The following FAM222B variants were observed in gnomAD, a reference collection of about 807,000 sequenced individuals.
FAM222B encodes family with sequence similarity 222 member B.
Under a neutral mutation model 38.0 loss-of-function variants are expected in FAM222B, and 12 were observed. The ratio of observed to expected loss-of-function variants is 0.32; its 90% CI spans 0.20 to 0.51. The LOEUF is 0.51. Ranked by LOEUF, FAM222B falls within the 20% of genes least tolerant of loss-of-function variation. The pLI, the probability that FAM222B is intolerant of heterozygous loss-of-function variation, is 0.97. For missense variants in FAM222B, 716 were observed against 754.2 expected (o/e 0.95, Z 0.59); for synonymous variants, 329 against 317.2 (o/e 1.04, Z -0.40).
rs1322629673 is a variant in FAM222B at position 28,759,292 on chromosome 17, G to A, written c.667C>T (p.His223Tyr). ...CGGCCTCCATGCAGCAAGGGATTGTGGGGGTGCTGGAGACCCTGGTGAGCC... is the reference window on the plus strand; with the variant it reads ...CGGCCTCCATGCAGCAAGGGATTGTAGGGGTGCTGGAGACCCTGGTGAGCC... Reference protein sequence around the residue: ...ALAHQGLQHPHNPLLHGGRKM... With the variant: ...ALAHQGLQHPYNPLLHGGRKM... The change falls in exon 3 of 3, where the codon CAC becomes TAC. Residue 223 changes from histidine (H) to tyrosine (Y), a missense_variant. His to Tyr is a moderately conservative substitution (Grantham distance 83, BLOSUM62 2). Transcript: ENST00000581407. The surrounding 1 kb of genome is among the most constrained non-coding windows in gnomAD (Gnocchi z 4.8). 3.1e-6 allele frequency: 5 copies of A among 1,612,568 alleles called. No individual in the cohort carries two copies. The African/African-American group carries it at 6.7e-5, about 22-fold the overall frequency.
At chr17:28,780,183 G>A (rs2036105028) in intron 1 of FAM222B, among the ~76,000 whole-genome samples, 2 of 151,860 alleles carry the variant, frequency 1.3e-5, no homozygotes, top group Non-Finnish European at 2.9e-5. Flanking sequence ...TACTGGCCAG[G>A]ATGGTCTCGA....
At chr17:28,784,244 T>C (rs749620657) in intron 1 of FAM222B, among the ~76,000 whole-genome samples, 5 of 151,360 alleles carry the variant, frequency 3.3e-5, no homozygotes, top group Non-Finnish European at 7.4e-5. Context: ...GAGGCTGAGG[T>C]AGGAAGACTG....
At chr17:28,765,824 C>T (rs888200598) in intron 2 of FAM222B, among the ~76,000 whole-genome samples, 2 of 152,198 alleles carry the variant, frequency 1.3e-5, no homozygotes, top group Admixed American at 6.5e-5. Flanking sequence ...AGCTCTCCAT[C>T]TCTTCTGAGG....
chr17:28,798,506 G>T (rs1597951973), intron 1 of FAM222B, among the ~76,000 whole-genome samples: 1 of 152,196 alleles, frequency 6.6e-6, no homozygotes, highest in Middle Eastern at 3.4e-3. Flanking sequence ...GTTTCTCCAT[G>T]GTTTACCTGT....
chr17:28,849,758 G>T (rs960053223), intron 1 of FAM222B, among the ~76,000 whole-genome samples: 3 of 151,978 alleles, frequency 2.0e-5, no homozygotes, highest in African/African-American at 7.2e-5. Context: ...TCCCTATAAG[G>T]GAAGAGAAAA....
In FAM222B at chr17:28,758,956, C is replaced by T. The variant is rs369987412; in HGVS notation, c.1003G>A (p.Ala335Thr). 1.1e-5 allele frequency: 18 copies of T among 1,610,218 alleles called. No individual in the cohort carries two copies. Among genetic ancestry groups the T allele is most frequent in the African/African-American group, 1.1e-4 (8 of 74,886 alleles). The change falls in exon 3 of 3, where the codon GCC (alanine) becomes ACC (threonine). Residue 335 changes from alanine to threonine, a missense_variant. Ala to Thr is a moderately conservative substitution (Grantham distance 58). Coordinates refer to ENST00000581407, the MANE Select transcript of FAM222B (RefSeq NM_001077498.3). ...ACAGGACCTGCAGCAGGCAACGCGG[C>T]GGTGGCCGCGTGGGTGTGCTCCATG... ...NPMEHTHAATAALPAAGPVNL... is the reference protein window; with the variant it reads ...NPMEHTHAATTALPAAGPVNL...
intron 1 of FAM222B, among the ~76,000 whole-genome samples, chr17:28,792,772 C>T (rs1400373111): frequency 7.0e-6 from 1 of 142,098 alleles, no homozygotes; most frequent in Non-Finnish European, 1.5e-5. Context: ...CAGAGCGAGG[C>T]CCTATTTCAA....
chr17:28,778,883 T>C (rs1026072244), intron 1 of FAM222B, among the ~76,000 whole-genome samples: 1 of 150,992 alleles, frequency 6.6e-6, no homozygotes, highest in Non-Finnish European at 1.5e-5. Flanking sequence ...TTACGTTATA[T>C]AATAGACTTG....
intron 1 of FAM222B, among the ~76,000 whole-genome samples, chr17:28,773,793 G>T (rs1169586518): frequency 6.7e-6 from 1 of 149,890 alleles, no homozygotes; most frequent in Non-Finnish European, 1.5e-5. Flanking sequence ...GCGAGCCTCT[G>T]TCTCAAAAAA....
chr17:28,789,092 A>C (rs1011026482), intron 1 of FAM222B, among the ~76,000 whole-genome samples: 13 of 151,224 alleles, frequency 8.6e-5, no homozygotes, highest in African/African-American at 2.2e-4. Context: ...AAAAAAAAAA[A>C]AAAAAAAAAA....
chr17:28,829,236 C>T (rs1448215667), intron 1 of FAM222B, among the ~76,000 whole-genome samples: 8 of 138,568 alleles, frequency 5.8e-5, no homozygotes, highest in Non-Finnish European at 9.1e-5. Context: ...TTTTTTGAGA[C>T]GTGGTTTCAC....
intron 1 of FAM222B, among the ~76,000 whole-genome samples, chr17:28,789,857 G>A (rs1425234892): frequency 6.6e-6 from 1 of 152,222 alleles, no homozygotes; most frequent in African/African-American, 2.4e-5. Flanking sequence ...TGCTTAGTTG[G>A]TGAGGGAAAC....
intron 1 of FAM222B, among the ~76,000 whole-genome samples, chr17:28,830,529 T>C (rs571934949): frequency 1.3e-5 from 2 of 152,284 alleles, no homozygotes; most frequent in Admixed American, 6.6e-5. Context: ...GTGTTGCTTA[T>C]ATTTTCATCT....
intron 1 of FAM222B, among the ~76,000 whole-genome samples, chr17:28,783,533 A>G (rs7220179): frequency 1 from 150,354 of 150,378 alleles, 75,165 homozygotes; most frequent in Middle Eastern, 1. Context: ...TTTTTTTTTA[A>G]ACAAAGTCTC....
intron 1 of FAM222B, among the ~76,000 whole-genome samples, chr17:28,834,029 T>TC (rs1314452474): frequency 6.6e-6 from 1 of 152,196 alleles, no homozygotes; most frequent in Non-Finnish European, 1.5e-5. Flanking sequence ...CAATTTCAAC[T>TC]CCATCTTTGA....
At chr17:28,781,821 C>T (rs1246589433) in intron 1 of FAM222B, among the ~76,000 whole-genome samples, 2 of 152,096 alleles carry the variant, frequency 1.3e-5, no homozygotes, top group Non-Finnish European at 2.9e-5. Flanking sequence ...TATGTGGAAT[C>T]TAAAAAAGTC....
At chr17:28,770,593 CAG>C (rs10561211) in intron 1 of FAM222B, among the ~76,000 whole-genome samples, 3,168 of 144,162 alleles carry the variant, frequency 0.022, 104 homozygotes, top group African/African-American at 0.077. Context: ...TTTTTTGAGA[CAG>C]AGTCTTGCTC....
chr17:28,843,939 G>A (rs1277330228), upstream of FAM222B, among the ~76,000 whole-genome samples: 1 of 152,228 alleles, frequency 6.6e-6, no homozygotes, highest in Non-Finnish European at 1.5e-5. Context: ...TCAAGCACAT[G>A]CTGTTTATTG....
chr17:28,802,775 C>T (rs2037298729), intron 1 of FAM222B: 1 of 154,740 alleles, frequency 6.5e-6, no homozygotes, highest in Non-Finnish European at 1.5e-5. Context: ...TACTTATGTA[C>T]CTGTTACCAC....
Sources: allele counts gnomAD v4.1 joint callset (sites outside exome capture counted in the v4.1 genomes callset), GRCh38; gene constraint gnomAD v4.1.1; non-coding constraint Gnocchi (gnomAD v3.1); transcripts MANE v1.5; gene names NCBI Gene and HGNC (gene_info 2026-07-23, HGNC 2026-07-21).